COL11A1: variants seen among roughly 807,000 people sequenced by gnomAD.
The protein encoded by COL11A1 is collagen alpha-1(XI) chain.
A neutral mutation model predicts 265.2 loss-of-function variants in COL11A1; 74 were observed. The observed-to-expected ratio is 0.28, with a 90% confidence interval of 0.23 to 0.34. The LOEUF (loss-of-function observed/expected upper bound fraction) is 0.34, where lower values mean the gene tolerates loss of function less well. Among genes scored for constraint, COL11A1 ranks in the 10% least tolerant of loss-of-function variants. The pLI, the probability that COL11A1 is intolerant of heterozygous loss-of-function variation, is 1.00. For missense variants in COL11A1, 2,165 were observed against 2,263.6 expected (o/e 0.96, Z 0.88); for synonymous variants, 816 against 727.6 (o/e 1.12, Z -1.96).
chr1:102,919,774 T>C (rs1250765344), intron 49 of COL11A1, among the ~76,000 whole-genome samples: 1 of 152,090 alleles, frequency 6.6e-6, no homozygotes, highest in Non-Finnish European at 1.5e-5. Context: ...TTGTGGTTCA[T>C]GCCAAATATT....
intron 52 of COL11A1, 140 bp downstream of exon 52, chr1:102,914,212 G>T: frequency 1.4e-6 from 1 of 716,286 alleles, no homozygotes; most frequent in Non-Finnish European, 2.4e-6. Context: ...TCCTGCATTT[G>T]CAATTACTTT....
chr1:103,078,599 G>A (rs1401376766), intron 3 of COL11A1, 59 bp downstream of exon 3: 2 of 1,498,264 alleles, frequency 1.3e-6, no homozygotes, highest in Non-Finnish European at 1.9e-6. Context: ...TTTGTTAAGT[G>A]ACTGAATAAA....
At chr1:103,071,776 A>T (rs1671609925) in intron 4 of COL11A1, among the ~76,000 whole-genome samples, 1 of 150,662 alleles carries the variant, frequency 6.6e-6, no homozygotes, top group Non-Finnish European at 1.5e-5. Context: ...TTGTAAAATC[A>T]TAAGAAAAAG....
At chr1:103,065,408 T>C (rs1039293028) in intron 4 of COL11A1, among the ~76,000 whole-genome samples, 1 of 150,344 alleles carries the variant, frequency 6.7e-6, no homozygotes, top group African/African-American at 2.4e-5. Flanking sequence ...TAGTCCCAGC[T>C]ACTCAGGAGG....
intron 4 of COL11A1, among the ~76,000 whole-genome samples, chr1:103,073,386 T>C (rs12730712): frequency 0.052 from 7,896 of 151,880 alleles, 220 homozygotes; most frequent in Middle Eastern, 0.092. Context: ...TTTAAAATAA[T>C]GCTTTTCAAG....
intron 42 of COL11A1, among the ~76,000 whole-genome samples, chr1:102,945,338 A>G (rs1659159022): frequency 1.3e-5 from 2 of 149,556 alleles, no homozygotes; most frequent in African/African-American, 4.9e-5. Flanking sequence ...GAAGTTCTTT[A>G]CCAGATGTGG....
intron 49 of COL11A1, among the ~76,000 whole-genome samples, chr1:102,918,440 G>T (rs939446385): frequency 2.0e-5 from 3 of 151,686 alleles, no homozygotes; most frequent in African/African-American, 2.4e-5. Flanking sequence ...AAAGATACTG[G>T]TTTTTTTATT....
chr1:102,914,579 T>A, intron 51 of COL11A1, 125 bp downstream of exon 51: 2 of 963,498 alleles, frequency 2.1e-6, no homozygotes, highest in South Asian at 2.9e-5. Context: ...TACGAATATA[T>A]GAAATGATGA....
chr1:103,089,451 C>T (rs1257676947), intron 1 of COL11A1, among the ~76,000 whole-genome samples: 2 of 152,128 alleles, frequency 1.3e-5, no homozygotes, highest in African/African-American at 4.8e-5. Context: ...TGCTCTCAGG[C>T]ACAGCATCTG....
chr1:102,992,969 T>C (rs1435977406), intron 28 of COL11A1, among the ~76,000 whole-genome samples: 1 of 151,850 alleles, frequency 6.6e-6, no homozygotes, highest in African/African-American at 2.4e-5. Flanking sequence ...AAAATGTATC[T>C]TATTTTTTTT....
intron 4 of COL11A1, among the ~76,000 whole-genome samples, chr1:103,069,097 C>G (rs1229310293): frequency 6.6e-6 from 1 of 151,486 alleles, no homozygotes; most frequent in Non-Finnish European, 1.5e-5. Flanking sequence ...GAAAATGACC[C>G]AAAATTGCTA....
chr1:103,015,510 T>C (rs1368312778), intron 12 of COL11A1, among the ~76,000 whole-genome samples, 158 bp downstream of exon 12: 2 of 152,092 alleles, frequency 1.3e-5, no homozygotes, highest in Non-Finnish European at 2.9e-5. Flanking sequence ...TTTTGTTTTG[T>C]AAAATTTCCC....
chr1:103,043,054 AAC>A (rs1668947773), intron 4 of COL11A1, among the ~76,000 whole-genome samples: 1 of 136,732 alleles, frequency 7.3e-6, no homozygotes, highest in Non-Finnish European at 1.5e-5. Flanking sequence ...ATATATATGA[AAC>A]ATATATAATG....
intron 42 of COL11A1, among the ~76,000 whole-genome samples, chr1:102,945,248 C>CTG (rs1491581858): frequency 2.2e-4 from 1 of 4,624 alleles, no homozygotes; most frequent in East Asian, 0.019. Flanking sequence ...TTTCTTTTTA[C>CTG]TCTCTCTCTC....
intron 44 of COL11A1, among the ~76,000 whole-genome samples, chr1:102,937,645 T>C (rs2616013): frequency 0.87 from 131,837 of 152,134 alleles, 59,290 homozygotes; most frequent in East Asian, 1. Context: ...AGCACTCCTG[T>C]AGGGTTTGGT....
chr1:102,946,802 G>A (rs780329233), intron 42 of COL11A1, 47 bp downstream of exon 42: 21 of 1,400,552 alleles, frequency 1.5e-5, no homozygotes, highest in Admixed American at 1.0e-4. Context: ...AAGTAATAAC[G>A]TGTACAGGGT....
At chr1:102,965,594 C>A in intron 37 of COL11A1, 54 bp from the exon 38 acceptor site, 2 of 1,465,646 alleles carry the variant, frequency 1.4e-6, no homozygotes, top group South Asian at 1.2e-5. Flanking sequence ...AAGCATAAAT[C>A]AAAATTCTAT....
intron 24 of COL11A1, among the ~76,000 whole-genome samples, chr1:103,000,309 G>A (rs751339719): frequency 1.3e-4 from 20 of 151,686 alleles, no homozygotes; most frequent in Non-Finnish European, 2.7e-4. Context: ...TAACTAATAG[G>A]ACATTTTCCA....
At chr1:103,013,798 T>C (rs1389953182) in intron 13 of COL11A1, among the ~76,000 whole-genome samples, 1 of 152,020 alleles carries the variant, frequency 6.6e-6, no homozygotes, top group East Asian at 1.9e-4. Context: ...TCCTTCTTCC[T>C]TAAAAAGAAA....
Sources: gnomAD v4.1 joint callset for allele counts (sites outside exome capture counted in the v4.1 genomes callset) on GRCh38, gnomAD v4.1.1 for gene constraint, MANE v1.5 for transcripts, NCBI Gene and HGNC (gene_info 2026-07-23, HGNC 2026-07-21) for gene names.